The following CCDC171 variants were observed in gnomAD, a reference collection of about 807,000 sequenced individuals.
The protein encoded by CCDC171 is coiled-coil domain-containing protein 171.
In CCDC171, 177 loss-of-function variants were observed where a neutral mutation model predicts 168.2. That is an observed-to-expected ratio of 1.05 (90% CI 0.93 to 1.19). CCDC171 has a LOEUF of 1.19. Among genes scored for constraint, CCDC171 ranks in the 50% most tolerant of loss-of-function variants. The pLI is 0.00. For missense variants in CCDC171, 1,991 were observed against 1,539.0 expected, an observed-to-expected ratio of 1.29 and a Z score of -4.91; for synonymous variants, 687 against 540.8, an observed-to-expected ratio of 1.27 and a Z score of -3.75.
chr9:15,826,395 C>A (rs1169515329), intron 21 of CCDC171, among the ~76,000 whole-genome samples: 1 of 152,012 alleles, frequency 6.6e-6, no homozygotes, highest in Admixed American at 6.6e-5. Context: ...ATTTCTGATC[C>A]CACAAGTGCT....
intron 11 of CCDC171, among the ~76,000 whole-genome samples, chr9:15,713,894 A>T (rs530156283): frequency 1.3e-5 from 2 of 151,456 alleles, no homozygotes; most frequent in Admixed American, 6.6e-5. Flanking sequence ...GCCAGAGTTG[A>T]TATAGCTCTG....
At chr9:15,887,154 G>T (rs1172058435) in intron 24 of CCDC171, among the ~76,000 whole-genome samples, 4 of 152,052 alleles carry the variant, frequency 2.6e-5, no homozygotes, top group African/African-American at 9.7e-5. Context: ...TGAGGTGATA[G>T]ATATGTTAAT....
At chr9:15,742,511 C>T (rs1368621094) in intron 16 of CCDC171, among the ~76,000 whole-genome samples, 3 of 152,286 alleles carry the variant, frequency 2.0e-5, no homozygotes, top group African/African-American at 7.2e-5. Context: ...TTGAAGTGTG[C>T]CTGCTTTAAG....
At chr9:16,095,728 T>A in the CCDC171 span, among the ~76,000 whole-genome samples, 1 of 152,010 alleles carries the variant, frequency 6.6e-6, no homozygotes, top group East Asian at 1.9e-4. Context: ...ATCTGACATT[T>A]GCCAGATGTG....
At chr9:15,599,732 C>G (rs1194300739) in intron 6 of CCDC171, among the ~76,000 whole-genome samples, 2 of 152,142 alleles carry the variant, frequency 1.3e-5, no homozygotes, top group Non-Finnish European at 2.9e-5. Context: ...TGGATAATAT[C>G]CTGCAGAGTG....
intron 21 of CCDC171, among the ~76,000 whole-genome samples, chr9:15,790,313 C>A (rs201666023): frequency 6.6e-6 from 1 of 152,104 alleles, no homozygotes; most frequent in African/African-American, 2.4e-5. Flanking sequence ...TGGTATCTCA[C>A]TGTGGTTTTG....
At position 15,678,779 on chromosome 9, in the gene CCDC171, CA is replaced by C; in HGVS notation, c.1103del (p.Asn368IlefsTer4). The C allele has an allele frequency of 6.3e-7, 1 of 1,588,582 alleles. No individual in the cohort carries two copies. The highest frequency in any genetic ancestry group is 8.5e-7 in the Non-Finnish European group (1 of 1,172,742). On this transcript the variant is annotated frameshift_variant, in exon 10 of 26. Coordinates refer to ENST00000380701, the MANE Select transcript of CCDC171 (RefSeq NM_173550.4). LOFTEE classifies it high-confidence loss of function. ...LNLLEKEYFS[K>X]NKKLNEDIEE... ...TCAGATTAGAAAAAGAGTATTTCTC[CA>C]AAAATAAGAAACTAAATGAAGACAT...
At chr9:15,787,815 T>A (rs1222275692) in intron 21 of CCDC171, among the ~76,000 whole-genome samples, 1 of 152,208 alleles carries the variant, frequency 6.6e-6, no homozygotes, top group Non-Finnish European at 1.5e-5. Flanking sequence ...TTGGTAGATA[T>A]GTCCTTGTTA....
chr9:15,577,006 T>C (rs276448), intron 3 of CCDC171, among the ~76,000 whole-genome samples: 7 of 151,966 alleles, frequency 4.6e-5, no homozygotes, highest in African/African-American at 1.7e-4. Flanking sequence ...GAATGTTCAG[T>C]GGGGATTTGA....
At chr9:16,086,552 C>T in the CCDC171 span, among the ~76,000 whole-genome samples, 41 of 151,852 alleles carry the variant, frequency 2.7e-4, no homozygotes, top group Non-Finnish European at 8.8e-5. Flanking sequence ...GTGATCTGCC[C>T]GCCTCAGCCT....
chr9:15,654,957 T>G, intron 7 of CCDC171, among the ~76,000 whole-genome samples: 1 of 152,150 alleles, frequency 6.6e-6, no homozygotes, highest in Non-Finnish European at 1.5e-5. Context: ...CCGCCTGTTC[T>G]CACTCTTAGG....
In CCDC171 at chr9:15,666,196, G is replaced by A. The variant is rs1368263516; in HGVS notation, c.949G>A (p.Val317Ile). The change falls in exon 9 of 26, where the codon GTA becomes ATA. Residue 317 changes from valine to isoleucine, a missense_variant. Coordinates refer to ENST00000380701, the MANE Select transcript of CCDC171 (RefSeq NM_173550.4). ...TCGAGACCTTGAAGGAGCTTTGCAAGTAGAGAAGGCCAGTCAAGCAGAAGC... is the reference window on the plus strand; with the variant it reads ...TCGAGACCTTGAAGGAGCTTTGCAAATAGAGAAGGCCAGTCAAGCAGAAGC... ...RIRDLEGALQ[V>I]EKASQAEAVA... The A allele has an allele frequency of 1.2e-6, 2 of 1,613,654 alleles. No homozygotes were observed. Among genetic ancestry groups the A allele is most frequent in the Non-Finnish European group, 1.7e-6 (2 of 1,179,884 alleles).
At chr9:16,059,634 C>T (rs902201883) in intron 1 of CCDC171, among the ~76,000 whole-genome samples, 1 of 149,630 alleles carries the variant, frequency 6.7e-6, no homozygotes, top group Non-Finnish European at 1.5e-5. Context: ...CCTGCCTCAG[C>T]CTCCCGAGTA....
chr9:15,744,161 T>C lies in CCDC171; in HGVS notation c.2050-112T>C, dbSNP rs1326257451. On this transcript the variant is annotated intron_variant, in intron 16 of 25. Coordinates refer to ENST00000380701, the MANE Select transcript of CCDC171 (RefSeq NM_173550.4). ...TTGGATATTTTAGCACATGTATCTTTTAAAGAGGAAGAAGTGGTTGTCAGC... is the reference window on the plus strand; with the variant it reads ...TTGGATATTTTAGCACATGTATCTTCTAAAGAGGAAGAAGTGGTTGTCAGC... 4.7e-6 allele frequency: 4 copies of C among 843,192 alleles called. No homozygotes were observed. The South Asian group carries it at 5.6e-5, about 12-fold the overall frequency. The allele number at this position is 843,192 out of a possible 1,614,324, so 52.2% of individuals were successfully genotyped here. A position where few individuals can be genotyped will look rare whatever the true frequency, so the allele number is the denominator to read the frequency against.
intron 4 of CCDC171, chr9:15,588,494 G>C: frequency 3.2e-6 from 1 of 311,498 alleles, no homozygotes; most frequent in South Asian, 3.5e-5. Flanking sequence ...CTGCAAAGAA[G>C]GGAGAAAAGG....
intron 25 of CCDC171, among the ~76,000 whole-genome samples, chr9:15,952,701 T>A (rs1829342197): frequency 6.6e-6 from 1 of 152,094 alleles, no homozygotes; most frequent in East Asian, 1.9e-4. Context: ...GCGGCCAGAT[T>A]TTGCTATTTC....
chr9:15,908,294 G>T (rs1487932975), intron 24 of CCDC171, among the ~76,000 whole-genome samples: 5 of 152,142 alleles, frequency 3.3e-5, no homozygotes. Flanking sequence ...AGAAAATGTG[G>T]CACATATACA....
intron 7 of CCDC171, among the ~76,000 whole-genome samples, chr9:15,628,743 C>G (rs568555274): frequency 1.3e-5 from 2 of 152,200 alleles, no homozygotes; most frequent in East Asian, 3.9e-4. Flanking sequence ...GGGTCCCTGA[C>G]CCCTGAACCC....
chr9:15,830,449 A>G (rs2060182929), intron 21 of CCDC171, among the ~76,000 whole-genome samples: 1 of 152,218 alleles, frequency 6.6e-6, no homozygotes. Flanking sequence ...AAGCATATTA[A>G]GAAACAGACT....
Sources: allele counts gnomAD v4.1 joint callset (sites outside exome capture counted in the v4.1 genomes callset), GRCh38; gene constraint gnomAD v4.1.1; transcripts MANE v1.5; gene names NCBI Gene and HGNC (gene_info 2026-07-23, HGNC 2026-07-21).